GRIP1: variants seen among roughly 807,000 people sequenced by gnomAD.
GRIP1 encodes glutamate receptor-interacting protein 1.
Under a neutral mutation model 129.9 loss-of-function variants are expected in GRIP1, and 45 were observed. The observed-to-expected ratio is 0.35, with a 90% CI of 0.27 to 0.44. The LOEUF (loss-of-function observed/expected upper bound fraction) is 0.44. Among genes scored for constraint, GRIP1 ranks in the 20% least tolerant of loss-of-function variants. The pLI, the probability that GRIP1 is intolerant of heterozygous loss-of-function variation, is 1.00. For missense variants in GRIP1, 1,196 were observed against 1,396.8 expected (o/e 0.86, Z 2.29); for synonymous variants, 530 against 520.8 (o/e 1.02, Z -0.24).
chr12:66,975,855 G>A (rs1006059009), intron 1 of GRIP1, among the ~76,000 whole-genome samples: 1 of 152,200 alleles, frequency 6.6e-6, no homozygotes, highest in Non-Finnish European at 1.5e-5. Context: ...TTCTGAGGCA[G>A]TCAGAGCACA....
intron 1 of GRIP1, among the ~76,000 whole-genome samples, chr12:66,744,041 T>C (rs2036870605): frequency 6.6e-6 from 1 of 152,190 alleles, no homozygotes; most frequent in African/African-American, 2.4e-5. Flanking sequence ...TTAATTAAAA[T>C]ATTATCTTCA....
chr12:66,430,627 A>G (rs565327587), intron 14 of GRIP1, among the ~76,000 whole-genome samples: 45 of 152,328 alleles, frequency 3.0e-4, no homozygotes, highest in African/African-American at 1.0e-3. Context: ...TAGCATATAA[A>G]TGTCTACTTT....
At chr12:66,748,773 A>G (rs2037032882) in intron 1 of GRIP1, among the ~76,000 whole-genome samples, 1 of 152,100 alleles carries the variant, frequency 6.6e-6, no homozygotes, top group Admixed American at 6.5e-5. Context: ...GAAAAGATTG[A>G]GTTTATCTTT....
intron 1 of GRIP1, among the ~76,000 whole-genome samples, chr12:66,915,480 G>A (rs1030418130): frequency 8.5e-5 from 13 of 152,144 alleles, no homozygotes; most frequent in Admixed American, 2.6e-4. Context: ...TGACAAAGGC[G>A]AGTGAGACGG....
intron 1 of GRIP1, among the ~76,000 whole-genome samples, chr12:67,050,861 T>C (rs1379553743): frequency 6.6e-6 from 1 of 152,112 alleles, no homozygotes; most frequent in African/African-American, 2.4e-5. Context: ...AAACAAACAC[T>C]GAGGAATTCT....
At chr12:66,429,271 GTA>G (rs2058075647) in intron 14 of GRIP1, among the ~76,000 whole-genome samples, 1 of 152,134 alleles carries the variant, frequency 6.6e-6, no homozygotes, top group Non-Finnish European at 1.5e-5. Flanking sequence ...AGAGGACTTG[GTA>G]TAGAGATAAT....
chr12:66,782,760 C>T (rs1268765412), intron 1 of GRIP1, among the ~76,000 whole-genome samples: 1 of 152,160 alleles, frequency 6.6e-6, no homozygotes, highest in Non-Finnish European at 1.5e-5. Flanking sequence ...ACTCTTACTG[C>T]TTGCTATGTA....
At chr12:66,853,173 T>A (rs961569164) in intron 1 of GRIP1, among the ~76,000 whole-genome samples, 2 of 151,714 alleles carry the variant, frequency 1.3e-5, no homozygotes, top group African/African-American at 4.8e-5. Context: ...GGTTTCTTTA[T>A]ATGAACACCA....
chr12:66,724,056 T>C (rs1331196228), intron 1 of GRIP1, among the ~76,000 whole-genome samples: 1 of 152,058 alleles, frequency 6.6e-6, no homozygotes, highest in Non-Finnish European at 1.5e-5. Flanking sequence ...AGTTTAAGAG[T>C]TGAATTAGTA....
At chr12:66,591,552 T>G (rs1246319929) in intron 2 of GRIP1, among the ~76,000 whole-genome samples, 1 of 152,218 alleles carries the variant, frequency 6.6e-6, no homozygotes, top group Admixed American at 6.5e-5. Flanking sequence ...CCGTGTACTT[T>G]GTATGACATT....
At chr12:66,603,524 G>A (rs551176026) in intron 1 of GRIP1, among the ~76,000 whole-genome samples, 3 of 152,168 alleles carry the variant, frequency 2.0e-5, no homozygotes, top group Non-Finnish European at 4.4e-5. Flanking sequence ...AAATCTCCAG[G>A]TTATTTGTAT....
chr12:66,697,568 T>C (rs745939105), intron 1 of GRIP1, among the ~76,000 whole-genome samples: 5 of 152,126 alleles, frequency 3.3e-5, no homozygotes, highest in Non-Finnish European at 7.4e-5. Context: ...GGGGCTCAAT[T>C]TGGGGCAGTC....
chr12:66,953,332 T>C (rs1010261801), intron 1 of GRIP1, among the ~76,000 whole-genome samples: 1 of 152,138 alleles, frequency 6.6e-6, no homozygotes, highest in Non-Finnish European at 1.5e-5. Flanking sequence ...ATGATAGTAA[T>C]GGTGACTCTA....
chr12:67,061,752 C>T (rs2043539377), intron 1 of GRIP1, among the ~76,000 whole-genome samples: 1 of 152,064 alleles, frequency 6.6e-6, no homozygotes, highest in African/African-American at 2.4e-5. Context: ...AGCTATTGTA[C>T]AATAAGCTAT....
chr12:66,477,796 C>A (rs187800574), intron 7 of GRIP1, among the ~76,000 whole-genome samples: 1 of 141,348 alleles, frequency 7.1e-6, no homozygotes, highest in Non-Finnish European at 1.6e-5. Flanking sequence ...CCCTATTTAA[C>A]AAATGGTGCT....
intron 1 of GRIP1, among the ~76,000 whole-genome samples, chr12:66,696,804 CA>C (rs35445606): frequency 0.039 from 3,997 of 101,970 alleles, 13 homozygotes; most frequent in Middle Eastern, 0.085. Flanking sequence ...GACTCTGTCT[CA>C]AAAAAAAAAA....
At chr12:66,811,504 C>T (rs534349350) in intron 1 of GRIP1, among the ~76,000 whole-genome samples, 11 of 150,790 alleles carry the variant, frequency 7.3e-5, no homozygotes, top group South Asian at 2.1e-4. Context: ...TGAGACTTCA[C>T]GGAATCTATT....
chr12:66,933,367 C>T (rs917626022), intron 1 of GRIP1, among the ~76,000 whole-genome samples: 24 of 152,140 alleles, frequency 1.6e-4, no homozygotes, highest in Non-Finnish European at 3.5e-4. Flanking sequence ...AATAAATTGT[C>T]TTATATGGAA....
At chr12:66,449,638 G>A (rs548039745) in intron 11 of GRIP1, among the ~76,000 whole-genome samples, 11 of 152,244 alleles carry the variant, frequency 7.2e-5, no homozygotes, top group South Asian at 2.1e-4. Flanking sequence ...GTGTGGTTTC[G>A]CTGATGTAGA....
Sources: allele counts gnomAD v4.1 joint callset (sites outside exome capture counted in the v4.1 genomes callset), GRCh38; gene constraint gnomAD v4.1.1; transcripts MANE v1.5; gene names NCBI Gene and HGNC (gene_info 2026-07-23, HGNC 2026-07-21).